RXYLT1: variants seen among roughly 807,000 people sequenced by gnomAD.
RXYLT1 encodes the protein ribitol-5-phosphate xylosyltransferase 1.
Under a neutral mutation model 43.5 loss-of-function variants are expected in RXYLT1, and 41 were observed. The observed-to-expected ratio is 0.94, with a 90% CI of 0.73 to 1.22. RXYLT1 has a LOEUF of 1.22. RXYLT1 is among the 50% of genes most tolerant of loss of function. The pLI is 0.00. For synonymous variants in RXYLT1, 166 were observed against 194.4 expected (o/e 0.85, Z 1.21); for missense variants, 514 against 532.0 (o/e 0.97, Z 0.33).
chr12:63,805,414 A>G lies in RXYLT1; in HGVS notation c.914+10A>G, dbSNP rs1230054641. On this transcript the variant is annotated intron_variant, in intron 5 of 5. Coordinates refer to ENST00000261234, the MANE Select transcript of RXYLT1 (RefSeq NM_014254.3). ...TTTCAGCAAGAGAACAGTAAGTTCT[A>G]TGCTTATTTAATTCATTCATTTTGT... The G allele has an allele frequency of 5.1e-6, 8 of 1,561,606 alleles. No individual in the cohort carries two copies. Among genetic ancestry groups the G allele is most frequent in the Middle Eastern group, 3.5e-4 (2 of 5,754 alleles).
At chr12:63,799,730 C>A (rs918246199) in intron 3 of RXYLT1, among the ~76,000 whole-genome samples, 1 of 151,808 alleles carries the variant, frequency 6.6e-6, no homozygotes, top group Non-Finnish European at 1.5e-5. Flanking sequence ...TCAAGATTTC[C>A]TTTTTTTTCC....
intron 3 of RXYLT1, among the ~76,000 whole-genome samples, chr12:63,800,566 G>GA (rs930049016): frequency 6.6e-6 from 1 of 151,906 alleles, no homozygotes; most frequent in Admixed American, 6.6e-5. Flanking sequence ...CACTTAATAT[G>GA]AAAAAAATGA....
rs753749686 is a variant in RXYLT1, at chr12:63,802,141, A to G, written c.479A>G (p.Asn160Ser). 1.1e-5 allele frequency: 17 copies of G among 1,613,628 alleles called. No homozygotes were observed. In the African/African-American group the frequency reaches 2.0e-4, roughly 19 times the overall value. Residue 160 changes from asparagine to serine, a missense_variant, in exon 4 of 6, where the codon AAT (asparagine) becomes AGT (serine). By Grantham distance (46) the Asn-to-Ser change is conservative (BLOSUM62 1). Coordinates refer to ENST00000261234, the MANE Select transcript of RXYLT1 (RefSeq NM_014254.3). ...VIPGYFSVDVNNVVLILNGRE... is the reference protein window; with the variant it reads ...VIPGYFSVDVSNVVLILNGRE... ...CCAGGGTACTTCTCCGTTGATGTGA[A>G]TAATGTGGTACTCATTTTAAATGGA... is the stretch of plus-strand genomic sequence containing the variant.
intron 5 of RXYLT1, chr12:63,806,165 G>A (rs1001127295): frequency 1.3e-5 from 2 of 152,078 alleles, no homozygotes. Context: ...TATCATATTC[G>A]TTCAGTCAGT....
chr12:63,797,184 G>A (rs1007132373), intron 3 of RXYLT1, among the ~76,000 whole-genome samples: 1 of 151,128 alleles, frequency 6.6e-6, no homozygotes, highest in Non-Finnish European at 1.5e-5. Flanking sequence ...GGCTGGTCTC[G>A]AACTCCTGAC....
intron 1 of RXYLT1, 188 bp downstream of exon 1, chr12:63,780,317 C>T: frequency 7.7e-7 from 1 of 1,305,594 alleles, no homozygotes; most frequent in Non-Finnish European, 9.7e-7. Context: ...CTCATTCTTA[C>T]CCAGATCTCA....
chr12:63,808,529 C>G, intron 5 of RXYLT1, 146 bp from the exon 6 acceptor site: 1 of 786,650 alleles, frequency 1.3e-6, no homozygotes, highest in Admixed American at 3.5e-5. Flanking sequence ...CTGTTTGGGC[C>G]AGGATTTTGG....
intron 3 of RXYLT1, among the ~76,000 whole-genome samples, chr12:63,797,506 A>G (rs1475562599): frequency 6.6e-6 from 1 of 152,236 alleles, no homozygotes; most frequent in Non-Finnish European, 1.5e-5. Context: ...TCAGAGGTTC[A>G]TAAGTGATAA....
intron 3 of RXYLT1, among the ~76,000 whole-genome samples, chr12:63,795,075 C>G (rs1042062518): frequency 3.9e-5 from 6 of 151,922 alleles, no homozygotes; most frequent in African/African-American, 1.5e-4. Flanking sequence ...GCAGGCAGAT[C>G]GTTTTGAGCT....
intron 3 of RXYLT1, among the ~76,000 whole-genome samples, chr12:63,794,223 T>C (rs1033091068): frequency 6.6e-6 from 1 of 152,162 alleles, no homozygotes; most frequent in African/African-American, 2.4e-5. Context: ...TACTCCCATT[T>C]CCTCTCTCTA....
intron 2 of RXYLT1, 64 bp from the exon 3 acceptor site, chr12:63,784,906 C>A: frequency 7.2e-7 from 1 of 1,389,928 alleles, no homozygotes; most frequent in South Asian, 1.2e-5. Context: ...GTAAACTTGT[C>A]TCATGCACTA....
In RXYLT1 at chr12:63,780,446, C is replaced by G. The variant is rs555347288; in HGVS notation, c.169+317C>G. 27 of 1,189,438 alleles carry G rather than the reference C, an allele frequency of 2.3e-5. No individual in the cohort carries two copies. The African/African-American group carries it at 3.8e-4, about 17-fold the overall frequency. The allele number at this position is 1,189,438 out of a possible 1,614,324, so 73.7% of individuals were successfully genotyped here. A position where few individuals can be genotyped will look rare whatever the true frequency, so the allele number is the denominator to read the frequency against. ...ATTTGCGGGAATGCTCCTGGAAGGC[C>G]TCAAAATCGCCGCAAGGTTTAAGAC... On this transcript the variant is annotated intron_variant, in intron 1 of 5. Coordinates refer to ENST00000261234, the MANE Select transcript of RXYLT1 (RefSeq NM_014254.3).
intron 2 of RXYLT1, among the ~76,000 whole-genome samples, chr12:63,783,895 G>A (rs903635275): frequency 2.0e-4 from 30 of 152,160 alleles, no homozygotes; most frequent in Non-Finnish European, 4.3e-4. Context: ...TTTCCTTACC[G>A]TTTAGAGTTT....
rs748368825 is a variant in RXYLT1 at position 63,808,874 on chromosome 12, C to G, written c.1114C>G (p.Pro372Ala). 10 of 1,613,932 alleles carry G rather than the reference C, an allele frequency of 6.2e-6. No individual in the cohort carries two copies. The highest frequency in any genetic ancestry group is 7.6e-6 in the Non-Finnish European group (9 of 1,180,028). Residue 372 changes from proline (P) to alanine (A), a missense_variant, in exon 6 of 6, where the codon CCT becomes GCT. Transcript: ENST00000261234. ...CGNTSVHHGA[P>A]LQLLKSMGAP... The stretch of plus-strand genomic sequence containing the variant: ...GAATACATCTGTGCACCACGGTGCT[C>G]CTCTGCAGTTACTCAAGTCCATGGG...
intron 2 of RXYLT1, among the ~76,000 whole-genome samples, chr12:63,784,315 G>C (rs1235567838): frequency 6.6e-6 from 1 of 152,118 alleles, no homozygotes; most frequent in African/African-American, 2.4e-5. Context: ...CCAAAACAGG[G>C]TGCCCAGAGG....
At chr12:63,780,248 A>C in intron 1 of RXYLT1, 119 bp downstream of exon 1, 1 of 1,383,652 alleles carries the variant, frequency 7.2e-7, no homozygotes. Flanking sequence ...GGGCCTGAGA[A>C]GCGCTTTGCC....
chr12:63,785,100 T>C, intron 3 of RXYLT1, 28 bp downstream of exon 3: 1 of 1,511,386 alleles, frequency 6.6e-7, no homozygotes, highest in Non-Finnish European at 9.1e-7. Flanking sequence ...TGTGCAACAT[T>C]AACCTTTGAT....
intron 3 of RXYLT1, among the ~76,000 whole-genome samples, chr12:63,796,482 C>T (rs1290209510): frequency 2.0e-5 from 3 of 152,124 alleles, no homozygotes; most frequent in South Asian, 4.2e-4. Flanking sequence ...CAGTATCTCC[C>T]TTTCACCCAC....
chr12:63,804,553 T>G (rs1383683926), intron 4 of RXYLT1: 1 of 152,192 alleles, frequency 6.6e-6, no homozygotes, highest in Non-Finnish European at 1.5e-5. Context: ...AATTGACAAA[T>G]AGTAATGGTA....
Sources: gnomAD v4.1 joint callset for allele counts (sites outside exome capture counted in the v4.1 genomes callset) on GRCh38, gnomAD v4.1.1 for gene constraint, MANE v1.5 for transcripts, NCBI Gene and HGNC (gene_info 2026-07-23, HGNC 2026-07-21) for gene names.